DYDC2: variants seen among roughly 807,000 people sequenced by gnomAD.
DYDC2 encodes DPY30 domain containing 2.
In DYDC2, 19 loss-of-function variants were observed where a neutral mutation model predicts 18.7. The ratio of observed to expected loss-of-function variants is 1.02; its 90% CI spans 0.71 to 1.49. The LOEUF (loss-of-function observed/expected upper bound fraction) is 1.49. DYDC2 is among the 40% of genes most tolerant of loss of function. The pLI is 0.00. For synonymous variants in DYDC2, 63 were observed against 67.6 expected (o/e 0.93, Z 0.34); for missense variants, 179 against 205.1 (o/e 0.87, Z 0.78).
chr10:80,359,996 G>T (rs549344559), intron 2 of DYDC2, among the ~76,000 whole-genome samples: 14 of 152,366 alleles, frequency 9.2e-5, no homozygotes, highest in African/African-American at 2.6e-4. Context: ...GGCCGAGGAG[G>T]TGCCAAGAGC....
Position 80,356,840 on chromosome 10 carries a change from C to T in DYDC2, c.-163+15C>T. 1 of 984,928 alleles carries T rather than the reference C, an allele frequency of 1.0e-6. No homozygotes were observed. Among genetic ancestry groups the T allele is most frequent in the Non-Finnish European group, 1.2e-6 (1 of 830,260 alleles). 61.0% of individuals were successfully genotyped at this position (984,928 alleles called of 1,614,324 possible). On this transcript the variant is annotated intron_variant, in intron 1 of 4. Transcript: ENST00000256039. ...CGCGCGGATAGGTGAGCAGAGGGCACGCGGTGGGCAGCGAAGGGGGAACGC... is the reference window on the plus strand; with the variant it reads ...CGCGCGGATAGGTGAGCAGAGGGCATGCGGTGGGCAGCGAAGGGGGAACGC...
At chr10:80,355,688 A>T (rs1843322198), upstream of DYDC2, among the ~76,000 whole-genome samples, 1 of 152,184 alleles carries the variant, frequency 6.6e-6, no homozygotes, top group South Asian at 2.1e-4. Context: ...AGAATAAAGA[A>T]AACGAGGTGC....
intron 2 of DYDC2, among the ~76,000 whole-genome samples, chr10:80,359,805 C>T (rs888799385): frequency 3.9e-5 from 6 of 152,314 alleles, no homozygotes; most frequent in Admixed American, 1.3e-4. Flanking sequence ...ACCAAGCCCG[C>T]GCCCACCCGG....
chr10:80,355,355 A>G (rs1278721821), upstream of DYDC2, among the ~76,000 whole-genome samples: 1 of 151,922 alleles, frequency 6.6e-6, no homozygotes, highest in Admixed American at 6.5e-5. Flanking sequence ...TTTATGCCAT[A>G]ACTATGTGCA....
upstream of DYDC2, among the ~76,000 whole-genome samples, chr10:80,355,108 CAG>C (rs1307035547): frequency 1.4e-5 from 2 of 142,262 alleles, no homozygotes; most frequent in African/African-American, 5.2e-5. Context: ...AAAAAAAAAA[CAG>C]TAAAATTAAC....
chr10:80,366,636 G>A (rs1564675742), intron 4 of DYDC2, 52 bp from the exon 5 acceptor site: 3 of 1,538,406 alleles, frequency 2.0e-6, no homozygotes, highest in Non-Finnish European at 2.6e-6. Flanking sequence ...CATACATCTT[G>A]TGTGCTTTAG....
intron 1 of DYDC2, among the ~76,000 whole-genome samples, chr10:80,347,853 T>C (rs1331391333): frequency 1.3e-5 from 2 of 152,240 alleles, no homozygotes; most frequent in Admixed American, 1.3e-4. Flanking sequence ...GTAATTACTA[T>C]GGCTTTGTAA....
chr10:80,357,731 G>A (rs185915727), intron 1 of DYDC2, among the ~76,000 whole-genome samples, 162 bp from the exon 2 acceptor site: 2,598 of 152,230 alleles, frequency 0.017, 80 homozygotes, highest in African/African-American at 0.06. Flanking sequence ...AGCCTTTCCT[G>A]TGCTCTCTTT....
intron 1 of DYDC2, among the ~76,000 whole-genome samples, chr10:80,350,287 T>G (rs1304082195): frequency 6.6e-6 from 1 of 152,152 alleles, no homozygotes; most frequent in Admixed American, 6.6e-5. Flanking sequence ...TATGCATAAG[T>G]AGGATAAAGT....
rs553355586 is a variant in DYDC2, at chr10:80,347,734, G to T, written c.-310+2919G>T. Among the ~76,000 whole-genome samples the T allele has an allele frequency of 2.6e-4, 39 of 152,160 alleles. No homozygotes were observed. In the South Asian group the frequency reaches 8.1e-3, roughly 32 times the overall value. On this transcript the variant is annotated intron_variant, in intron 1 of 4. Transcript: ENST00000372197. ...TATCCTTTTCCCTTTGTGTTTTCTT[G>T]CAGGGCTTGTCAAAAATTAGTTGAC...
chr10:80,352,714 C>T (rs372184482), upstream of DYDC2: 39 of 1,312,888 alleles, frequency 3.0e-5, 1 homozygote, highest in African/African-American at 3.9e-4. Context: ...ACCCTGCCCT[C>T]AGTCATGGAC....
chr10:80,359,845 C>T (rs187921682), intron 2 of DYDC2, among the ~76,000 whole-genome samples: 95 of 152,272 alleles, frequency 6.2e-4, no homozygotes, highest in Middle Eastern at 3.4e-3. Flanking sequence ...GTGCCACACG[C>T]GGCCCCATTT....
At chr10:80,364,707 A>G (rs1843774169) in intron 4 of DYDC2, among the ~76,000 whole-genome samples, 1 of 149,658 alleles carries the variant, frequency 6.7e-6, no homozygotes, top group South Asian at 2.3e-4. Context: ...CACAATGTCT[A>G]GACTATGTGC....
At chr10:80,350,445 G>A (rs968763976) in intron 1 of DYDC2, among the ~76,000 whole-genome samples, 1 of 152,204 alleles carries the variant, frequency 6.6e-6, no homozygotes, top group African/African-American at 2.4e-5. Flanking sequence ...CTCATCCACA[G>A]TTGTGGCTGC....
At chr10:80,363,977 C>T (rs539990535) in intron 4 of DYDC2, among the ~76,000 whole-genome samples, 6 of 152,272 alleles carry the variant, frequency 3.9e-5, no homozygotes, top group Middle Eastern at 3.4e-3. Flanking sequence ...TCCTGAAAAA[C>T]GCCTTATGCT....
At chr10:80,363,599 C>T (rs983999558) in intron 4 of DYDC2, among the ~76,000 whole-genome samples, 4 of 151,484 alleles carry the variant, frequency 2.6e-5, no homozygotes, top group Admixed American at 6.6e-5. Context: ...CTGCCCACCT[C>T]GGCCTCCCAA....
chr10:80,357,985 G>C lies in DYDC2; in HGVS notation c.-70G>C, dbSNP rs1278857264. The C allele has an allele frequency of 1.0e-6, 1 of 985,476 alleles. No individual in the cohort carries two copies. Among genetic ancestry groups the C allele is most frequent in the Non-Finnish European group, 1.2e-6 (1 of 830,082 alleles). 61.0% of individuals were successfully genotyped at this position (985,476 alleles called of 1,614,324 possible). On this transcript the variant is annotated 5_prime_UTR_variant, in exon 2 of 5. Coordinates refer to ENST00000256039, the MANE Select transcript of DYDC2 (RefSeq NM_032372.6). ...CCTACTGAGTGCAAGTCCAGGAACT[G>C]TGTAAGCAGACCCTCAGAGGAGCTC...
intron 1 of DYDC2, among the ~76,000 whole-genome samples, chr10:80,345,569 C>T (rs754142484): frequency 8.5e-5 from 13 of 152,138 alleles, no homozygotes; most frequent in Non-Finnish European, 1.5e-4. Context: ...CCTACATCTC[C>T]TCATTCTTCT....
chr10:80,360,332 A>G (rs966358364), intron 2 of DYDC2, among the ~76,000 whole-genome samples: 1 of 152,106 alleles, frequency 6.6e-6, no homozygotes, highest in African/African-American at 2.4e-5. Flanking sequence ...TGTCTTTTCC[A>G]GCTTCTAGAG....
Sources: gnomAD v4.1 joint callset for allele counts (sites outside exome capture counted in the v4.1 genomes callset) on GRCh38, gnomAD v4.1.1 for gene constraint, MANE v1.5 for transcripts, NCBI Gene and HGNC (gene_info 2026-07-23, HGNC 2026-07-21) for gene names.